Variants in KATNIP observed in about 807,000 individuals in gnomAD.
KATNIP encodes the protein katanin interacting protein.
KATNIP carries 126 observed loss-of-function variants against 174.0 expected under a neutral mutation model. That is an observed-to-expected ratio of 0.72 (90% CI 0.63 to 0.84). KATNIP has a LOEUF of 0.84. Ranked by LOEUF, KATNIP falls within the 40% of genes least tolerant of loss-of-function variation. KATNIP has a pLI of 0.00. For missense variants in KATNIP, 1,958 were observed against 2,109.7 expected (o/e 0.93, Z 1.41); for synonymous variants, 810 against 835.7 (o/e 0.97, Z 0.53).
chr16:27,735,879 C>T (rs186602002), intron 14 of KATNIP, among the ~76,000 whole-genome samples: 1 of 152,292 alleles, frequency 6.6e-6, no homozygotes, highest in Admixed American at 6.5e-5. Flanking sequence ...GGGAAATAAA[C>T]GATCTGGAGG....
At chr16:27,722,035 C>T (rs12102774) in intron 14 of KATNIP, among the ~76,000 whole-genome samples, 27,486 of 152,146 alleles carry the variant, frequency 0.18, 2,796 homozygotes, top group African/African-American at 0.28. Context: ...AGAATGTGAA[C>T]GCCTGCATTT....
At chr16:27,713,657 ATATACACATACATATTATATATAT>A (rs1204583178) in intron 13 of KATNIP, among the ~76,000 whole-genome samples, 5 of 149,510 alleles carry the variant, frequency 3.3e-5, no homozygotes, top group Non-Finnish European at 4.4e-5. Context: ...GTGTGTATAT[ATATACACATACATATTATATATAT>A]GTGTGTGTAT....
At chr16:27,578,633 A>G (rs961515338) in intron 2 of KATNIP, among the ~76,000 whole-genome samples, 1 of 152,146 alleles carries the variant, frequency 6.6e-6, no homozygotes, top group African/African-American at 2.4e-5. Flanking sequence ...GTTGGAGTGC[A>G]GTGACACAAT....
chr16:27,769,929 G>A lies in KATNIP; in HGVS notation c.4044G>A (p.Lys1348=), dbSNP rs1358414822. The change falls in exon 21 of 28, where the codon AAG becomes AAA. Residue 1348 remains lysine, a synonymous_variant. Transcript: ENST00000261588. ...VSPPEGFLIR[K]GPGNCHFDFA... ...CGCCAGAGGGCTTTCTCATCCGGAA[G>A]GGGCCAGGCAACTGCCACTTTGATT... 1.2e-6 allele frequency: 2 copies of A among 1,614,224 alleles called. No individual in the cohort carries two copies. The highest frequency in any genetic ancestry group is 4.5e-5 in the East Asian group (2 of 44,884).
chr16:27,608,257 G>A (rs1421708876), intron 2 of KATNIP, among the ~76,000 whole-genome samples: 3 of 127,844 alleles, frequency 2.3e-5, no homozygotes, highest in Admixed American at 9.0e-5. Flanking sequence ...TTGAGACAGC[G>A]TCTTGCTCTG....
At chr16:27,682,677 T>TG (rs2078390770) in intron 8 of KATNIP, among the ~76,000 whole-genome samples, 1 of 152,120 alleles carries the variant, frequency 6.6e-6, no homozygotes, top group South Asian at 2.1e-4. Flanking sequence ...CCTACAGTGA[T>TG]GGGGGGCCAT....
chr16:27,709,094 G>A (rs944811105), intron 13 of KATNIP, 174 bp downstream of exon 13: 10 of 550,956 alleles, frequency 1.8e-5, no homozygotes, highest in Middle Eastern at 4.7e-4. Context: ...TGAGGCAGGC[G>A]GATCATTTGA....
At position 27,689,898 on chromosome 16, in the gene KATNIP, TTATTCTC is replaced by T. The variant is rs566623693; in HGVS notation, c.940+8371_940+8377del. 4.7e-3 allele frequency among the ~76,000 whole-genome samples: 718 copies of T among 152,250 alleles called. 7 individuals carry two copies. The highest frequency in any genetic ancestry group is 0.015 in the African/African-American group (626 of 41,540). ...CAGCCCATCTTGGCCCCATAGAGTCTTATTCTCTAGCACTGGTGATTTCAGGGCAGCA... is the reference window on the plus strand; with the variant it reads ...CAGCCCATCTTGGCCCCATAGAGTCTTAGCACTGGTGATTTCAGGGCAGCA... On this transcript the variant is annotated intron_variant, in intron 8 of 27. Transcript: ENST00000261588.
chr16:27,572,225 GGGCAACAT>G (rs1206379776), intron 1 of KATNIP, among the ~76,000 whole-genome samples: 1 of 151,782 alleles, frequency 6.6e-6, no homozygotes, highest in East Asian at 1.9e-4. Context: ...AGACCAGCCT[GGGCAACAT>G]GGCAAAACGC....
At chr16:27,718,157 G>C (rs150792997) in intron 13 of KATNIP, 1 of 152,370 alleles carries the variant, frequency 6.6e-6, no homozygotes, top group Non-Finnish European at 1.5e-5. Flanking sequence ...CCACCACGTA[G>C]GTGCTGCACA....
At chr16:27,715,508 C>T (rs1471397624) in intron 13 of KATNIP, among the ~76,000 whole-genome samples, 1 of 152,020 alleles carries the variant, frequency 6.6e-6, no homozygotes, top group East Asian at 1.9e-4. Context: ...AAAATACAAC[C>T]TACAAAAGGG....
chr16:27,662,269 C>T (rs1465851256), intron 6 of KATNIP, among the ~76,000 whole-genome samples: 2 of 151,286 alleles, frequency 1.3e-5, no homozygotes, highest in Non-Finnish European at 2.9e-5. Context: ...ACAAAATATA[C>T]CTGCTGGCCA....
intron 2 of KATNIP, among the ~76,000 whole-genome samples, chr16:27,616,235 G>A (rs1269577176): frequency 6.6e-6 from 1 of 152,148 alleles, no homozygotes; most frequent in African/African-American, 2.4e-5. Context: ...AGCTGGGTGT[G>A]GTGGCACAAA....
intron 6 of KATNIP, among the ~76,000 whole-genome samples, chr16:27,671,904 A>G (rs2077920682): frequency 6.6e-6 from 1 of 152,074 alleles, no homozygotes; most frequent in Non-Finnish European, 1.5e-5. Flanking sequence ...AAAAATACAA[A>G]AATCAGCCGG....
chr16:27,708,239 T>C (rs1004363523), intron 12 of KATNIP, among the ~76,000 whole-genome samples: 1 of 152,014 alleles, frequency 6.6e-6, no homozygotes, highest in Non-Finnish European at 1.5e-5. Context: ...CTTAGGCTGA[T>C]CTTGAACTCC....
intron 8 of KATNIP, among the ~76,000 whole-genome samples, chr16:27,692,416 C>G (rs149820925): frequency 1.5e-3 from 227 of 152,210 alleles, no homozygotes; most frequent in African/African-American, 4.8e-3. Context: ...AATTATAATG[C>G]CAGGTGTCAG....
rs74596950 is a variant in KATNIP, at chr16:27,636,394, G to A, written c.408+5232G>A. Among the ~76,000 whole-genome samples the A allele has an allele frequency of 2.0e-3, 309 of 152,284 alleles. 3 individuals carry two copies. Among genetic ancestry groups the A allele is most frequent in the African/African-American group, 6.5e-3 (269 of 41,546 alleles). ...TTTAGGCTATGATTTCTCTTATCTC[G>A]TGTTTCCATTTCCCGTCTGGTTCTT... On this transcript the variant is annotated intron_variant, in intron 5 of 27. Coordinates refer to ENST00000261588, the MANE Select transcript of KATNIP (RefSeq NM_015202.5).
chr16:27,573,985 G>A, intron 2 of KATNIP, 29 bp downstream of exon 2: 1 of 1,603,762 alleles, frequency 6.2e-7, no homozygotes, highest in Non-Finnish European at 8.5e-7. Flanking sequence ...AGGGCTGATG[G>A]GAGGCAACTC....
chr16:27,589,622 A>G (rs1262825214), intron 2 of KATNIP, among the ~76,000 whole-genome samples: 1 of 152,178 alleles, frequency 6.6e-6, no homozygotes, highest in Admixed American at 6.5e-5. Context: ...AATTGTATGG[A>G]ATAGTAATTA....
Sources: allele counts gnomAD v4.1 joint callset (sites outside exome capture counted in the v4.1 genomes callset), GRCh38; gene constraint gnomAD v4.1.1; transcripts MANE v1.5; gene names NCBI Gene and HGNC (gene_info 2026-07-23, HGNC 2026-07-21).